Variants in PPFIBP2 observed in about 807,000 individuals in gnomAD.
PPFIBP2 encodes PPFIB scaffold protein 2.
In PPFIBP2, 118 loss-of-function variants were observed where a neutral mutation model predicts 118.3. The observed-to-expected ratio is 1.00, with a 90% CI of 0.86 to 1.16. PPFIBP2 has a LOEUF of 1.16. Ranked by LOEUF, PPFIBP2 falls within the 50% of genes most tolerant of loss-of-function variation. The pLI is 0.00. For missense variants in PPFIBP2, 1,195 were observed against 1,073.1 expected, an observed-to-expected ratio of 1.11 and a Z score of -1.59; for synonymous variants, 414 against 397.4, an observed-to-expected ratio of 1.04 and a Z score of -0.50.
chr11:7,551,978 A>G (rs770925326), intron 2 of PPFIBP2, among the ~76,000 whole-genome samples: 6 of 152,232 alleles, frequency 3.9e-5, no homozygotes, highest in Non-Finnish European at 7.3e-5. Flanking sequence ...CTGATCTTCC[A>G]GTACAAACTG....
At chr11:7,651,053 A>G (rs1853922891) in intron 22 of PPFIBP2, 88 bp downstream of exon 22, 1 of 1,399,426 alleles carries the variant, frequency 7.1e-7, no homozygotes, top group Admixed American at 2.2e-5. Flanking sequence ...ACAAAAGCTA[A>G]CGAAAAAAAA....
At chr11:7,634,628 A>G in intron 13 of PPFIBP2, 76 bp downstream of exon 13, 1 of 1,127,404 alleles carries the variant, frequency 8.9e-7, no homozygotes, top group South Asian at 1.2e-5. Context: ...ATATACAGGC[A>G]GGTCCTGGTC....
At chr11:7,665,555 A>C in the PPFIBP2 span, 1 of 1,594,932 alleles carries the variant, frequency 6.3e-7, no homozygotes, top group Non-Finnish European at 8.5e-7. Flanking sequence ...GCCTGAAATG[A>C]AGGAGATGCA....
chr11:7,621,025 A>G lies in PPFIBP2; in HGVS notation c.709A>G (p.Lys237Glu). Residue 237 changes from lysine to glutamate, a missense_variant and splice_region_variant, in exon 7 of 24, where the codon AAG (lysine) becomes GAG (glutamate). Transcript: ENST00000299492. ...NQYEWKLKATKAEVAQLQEQV... is the reference protein window; with the variant it reads ...NQYEWKLKATEAEVAQLQEQV... Reference sequence around the variant, plus strand: ...GTATGAATGGAAGCTAAAGGCCACTAAGGTAAACGGCACTCCTGATGCTTA... The same window carrying G: ...GTATGAATGGAAGCTAAAGGCCACTGAGGTAAACGGCACTCCTGATGCTTA... 6.3e-7 allele frequency: 1 copy of G among 1,599,276 alleles called. No individual in the cohort carries two copies. The highest frequency in any genetic ancestry group is 8.6e-7 in the Non-Finnish European group (1 of 1,166,470).
chr11:7,649,638 G>A lies in PPFIBP2; in HGVS notation c.2105G>A (p.Arg702Gln), dbSNP rs763496461. Reference protein sequence around the residue: ...VNKFNPHCLHRRPADESNLSP... With the variant: ...VNKFNPHCLHQRPADESNLSP... Reference sequence around the variant, plus strand: ...AAGTTCAACCCCCACTGCCTGCACCGGCGGCCAGCTGATGAGGTGAGACCA... The same window carrying A: ...AAGTTCAACCCCCACTGCCTGCACCAGCGGCCAGCTGATGAGGTGAGACCA... Residue 702 changes from arginine (R) to glutamine (Q), a missense_variant, in exon 21 of 24, where the codon CGG becomes CAG. Coordinates refer to ENST00000299492, the MANE Select transcript of PPFIBP2 (RefSeq NM_003621.5). The A allele has an allele frequency of 1.1e-5, 17 of 1,614,096 alleles. No individual in the cohort carries two copies. The highest frequency in any genetic ancestry group is 4.4e-5 in the South Asian group (4 of 91,078).
chr11:7,521,192 T>C (rs1157860175), intron 1 of PPFIBP2, among the ~76,000 whole-genome samples: 1 of 152,266 alleles, frequency 6.6e-6, no homozygotes, highest in African/African-American at 2.4e-5. Context: ...TTATGCACAC[T>C]GAAAGCTGAG....
the PPFIBP2 span, chr11:7,665,261 C>A: frequency 5.4e-6 from 5 of 934,280 alleles, no homozygotes; most frequent in Non-Finnish European, 7.9e-6. Flanking sequence ...AGTGTGTGCG[C>A]GAAGGTACAT....
intron 5 of PPFIBP2, chr11:7,605,769 C>G: frequency 1.5e-6 from 2 of 1,370,648 alleles, no homozygotes; most frequent in Non-Finnish European, 1.9e-6. Flanking sequence ...GCAAGTGGGA[C>G]AGATGAAAGG....
At chr11:7,574,390 C>T (rs1040891212) in intron 3 of PPFIBP2, among the ~76,000 whole-genome samples, 2 of 152,260 alleles carry the variant, frequency 1.3e-5, no homozygotes, top group East Asian at 1.9e-4. Context: ...CCCAGGCCCC[C>T]GAGCTCCCAA....
At chr11:7,639,952 C>G in intron 15 of PPFIBP2, 82 bp downstream of exon 15, 2 of 1,500,118 alleles carry the variant, frequency 1.3e-6, no homozygotes, top group Non-Finnish European at 1.8e-6. Flanking sequence ...CCTGCACCTA[C>G]CACCACAATC....
At chr11:7,665,677 C>G in the PPFIBP2 span, 7 of 1,174,106 alleles carry the variant, frequency 6.0e-6, no homozygotes, top group Admixed American at 1.6e-4. Flanking sequence ...GAAGTCTGTA[C>G]TACTGCTCCC....
At chr11:7,569,321 A>G (rs529951456) in intron 3 of PPFIBP2, among the ~76,000 whole-genome samples, 1 of 152,346 alleles carries the variant, frequency 6.6e-6, no homozygotes, top group Admixed American at 6.5e-5. Flanking sequence ...GGTATAAAAC[A>G]GAGGCGACTA....
chr11:7,524,020 G>A (rs1849999832), intron 1 of PPFIBP2, among the ~76,000 whole-genome samples: 1 of 152,182 alleles, frequency 6.6e-6, no homozygotes, highest in African/African-American at 2.4e-5. Flanking sequence ...ATCCCAAGAG[G>A]CCTTCTTAGC....
At chr11:7,632,667 A>C in intron 11 of PPFIBP2, 200 bp from the exon 12 acceptor site, 1 of 507,294 alleles carries the variant, frequency 2.0e-6, no homozygotes, top group Non-Finnish European at 3.6e-6. Flanking sequence ...AGGAGAGGCA[A>C]GCTGGCCCAG....
intron 1 of PPFIBP2, among the ~76,000 whole-genome samples, chr11:7,543,067 G>A (rs917532646): frequency 1.4e-4 from 22 of 152,216 alleles, no homozygotes; most frequent in African/African-American, 5.3e-4. Context: ...GAAGAAAGTA[G>A]TTGTTGGTTA....
At chr11:7,601,948 A>G (rs1292512256) in intron 5 of PPFIBP2, among the ~76,000 whole-genome samples, 1 of 151,762 alleles carries the variant, frequency 6.6e-6, no homozygotes, top group African/African-American at 2.4e-5. Flanking sequence ...ACAAAATTAG[A>G]CAGGTGTGGT....
chr11:7,601,433 G>A (rs1861410405), intron 5 of PPFIBP2, among the ~76,000 whole-genome samples: 1 of 152,188 alleles, frequency 6.6e-6, no homozygotes. Flanking sequence ...CCCACGGCAG[G>A]ATGTGGGATG....
downstream of PPFIBP2, among the ~76,000 whole-genome samples, chr11:7,653,956 A>G (rs1854445189): frequency 6.6e-6 from 1 of 152,126 alleles, no homozygotes; most frequent in African/African-American, 2.4e-5. Flanking sequence ...CCGTGGCCGC[A>G]CTGCTTCAGA....
chr11:7,654,573 C>T (rs1854512122), downstream of PPFIBP2, among the ~76,000 whole-genome samples: 1 of 152,242 alleles, frequency 6.6e-6, no homozygotes, highest in Non-Finnish European at 1.5e-5. Flanking sequence ...CCACTGCCTC[C>T]TGGGAGGTGA....
Sources: allele counts gnomAD v4.1 joint callset (sites outside exome capture counted in the v4.1 genomes callset), GRCh38; gene constraint gnomAD v4.1.1; transcripts MANE v1.5; gene names NCBI Gene and HGNC (gene_info 2026-07-23, HGNC 2026-07-21).